RBPMS2: variants seen among roughly 807,000 people sequenced by gnomAD.
RBPMS2 encodes the protein RNA-binding protein with multiple splicing 2.
In RBPMS2, 14 loss-of-function variants were observed where a neutral mutation model predicts 25.7. The observed-to-expected ratio is 0.55, with a 90% CI of 0.36 to 0.85. RBPMS2 has a LOEUF of 0.85. RBPMS2 is among the 40% of genes least tolerant of loss of function. The pLI is 0.01. For missense variants in RBPMS2, 252 were observed against 283.4 expected (o/e 0.89, Z 0.80); for synonymous variants, 127 against 115.6 (o/e 1.10, Z -0.63).
intron 1 of RBPMS2, among the ~76,000 whole-genome samples, chr15:64,765,226 CAAAAAAAAAAA>C (rs34231406): frequency 3.9e-5 from 2 of 50,910 alleles, no homozygotes; most frequent in African/African-American, 9.0e-5. Context: ...GACTCTGTCT[CAAAAAAAAAAA>C]AAAAAAAAAA....
At chr15:64,744,188 C>T (rs192440282) in intron 6 of RBPMS2, among the ~76,000 whole-genome samples, 67 of 151,988 alleles carry the variant, frequency 4.4e-4, no homozygotes, top group African/African-American at 1.2e-3. Context: ...CTCACTTATC[C>T]GAAATTAAAA....
intron 1 of RBPMS2, among the ~76,000 whole-genome samples, chr15:64,757,639 T>C (rs1407404620): frequency 2.0e-5 from 3 of 152,168 alleles, no homozygotes; most frequent in African/African-American, 4.8e-5. Context: ...AGCCAGGATC[T>C]TTCAGCAATG....
intron 3 of RBPMS2, among the ~76,000 whole-genome samples, chr15:64,749,839 C>A (rs2083659054): frequency 6.6e-6 from 1 of 152,152 alleles, no homozygotes. Context: ...TTTTCCCCAG[C>A]AAGAAAGGGG....
At chr15:64,756,517 A>G (rs1241858380) in intron 1 of RBPMS2, among the ~76,000 whole-genome samples, 1 of 125,908 alleles carries the variant, frequency 7.9e-6, no homozygotes, top group Admixed American at 9.5e-5. Context: ...ACCCTGTCTC[A>G]AAAAAAAAAA....
Position 64,775,263 on chromosome 15 carries a change from G to T in RBPMS2, c.57C>A (p.Gly19=). 7.5e-7 allele frequency: 1 copy of T among 1,338,446 alleles called. No individual in the cohort carries two copies. Among genetic ancestry groups the T allele is most frequent in the Non-Finnish European group, 9.6e-7 (1 of 1,038,328 alleles). 82.9% of individuals were successfully genotyped at this position (1,338,446 alleles called of 1,614,324 possible). A position where few individuals can be genotyped will look rare whatever the true frequency, so the allele number is the denominator to read the frequency against. Residue 19 remains glycine (G), a synonymous_variant, in exon 1 of 8, where the codon GGC becomes GGA. Coordinates refer to ENST00000300069, the MANE Select transcript of RBPMS2 (RefSeq NM_194272.3). Reference sequence around the variant, plus strand: ...CCTCCAGGGCGCCGCCGGAGCCCGCGCCGGAGCCGGTGCCGGTGCTGCCGC... The same window carrying T: ...CCTCCAGGGCGCCGCCGGAGCCCGCTCCGGAGCCGGTGCCGGTGCTGCCGC... The part of the protein sequence containing the change: ...EHGGSTGTGS[G]AGSGGALEEE...
chr15:64,755,118 G>T (rs2083721143), intron 1 of RBPMS2, among the ~76,000 whole-genome samples: 1 of 152,144 alleles, frequency 6.6e-6, no homozygotes, highest in Non-Finnish European at 1.5e-5. Context: ...TCTCAGCACA[G>T]AGTTTCCGCT....
At chr15:64,744,921 T>C (rs1429551470) in intron 6 of RBPMS2, among the ~76,000 whole-genome samples, 2 of 144,338 alleles carry the variant, frequency 1.4e-5, no homozygotes, top group Non-Finnish European at 3.0e-5. Flanking sequence ...TTCAAGCGAT[T>C]CTCCTGCCTC....
At chr15:64,762,664 C>G (rs1005408450) in intron 1 of RBPMS2, 1 of 401,450 alleles carries the variant, frequency 2.5e-6, no homozygotes, top group Non-Finnish European at 4.9e-6. Flanking sequence ...AGCCCTGTCA[C>G]CAGCCATAGC....
At chr15:64,774,732 A>AGCCGGCCGGGCG (rs1555431940) in intron 1 of RBPMS2, among the ~76,000 whole-genome samples, 4 of 147,068 alleles carry the variant, frequency 2.7e-5, no homozygotes, top group African/African-American at 9.9e-5. Flanking sequence ...GGAACCGAGG[A>AGCCGGCCGGGCG]GCCGGCCGGC....
At chr15:64,745,302 C>A (rs901353343) in intron 6 of RBPMS2, among the ~76,000 whole-genome samples, 1 of 152,024 alleles carries the variant, frequency 6.6e-6, no homozygotes, top group Non-Finnish European at 1.5e-5. Context: ...TCCATAAATG[C>A]AGATATGCTA....
At chr15:64,770,119 CA>C (rs1177859042) in intron 1 of RBPMS2, among the ~76,000 whole-genome samples, 1 of 151,952 alleles carries the variant, frequency 6.6e-6, no homozygotes, top group Non-Finnish European at 1.5e-5. Context: ...GCAGAGGTTG[CA>C]GTGAGCCAAG....
intron 1 of RBPMS2, among the ~76,000 whole-genome samples, chr15:64,767,105 TCTTTTTTTTTGAGACAGGGGCTC>T (rs2141076574): frequency 6.6e-6 from 1 of 152,046 alleles, no homozygotes; most frequent in African/African-American, 2.4e-5. Flanking sequence ...TTTTTTTCTC[TCTTTTTTTTTGAGACAGGGGCTC>T]TCACTCTATC....
intron 1 of RBPMS2, among the ~76,000 whole-genome samples, chr15:64,770,471 A>G (rs1205127008): frequency 6.6e-6 from 1 of 152,224 alleles, no homozygotes; most frequent in African/African-American, 2.4e-5. Flanking sequence ...GCATAAATAC[A>G]ACATACAGGT....
intron 1 of RBPMS2, among the ~76,000 whole-genome samples, chr15:64,774,902 G>T (rs1044900174): frequency 5.9e-5 from 9 of 151,434 alleles, no homozygotes. Flanking sequence ...GAGCGGCTAC[G>T]GGGTGGGGAG....
chr15:64,759,242 T>C (rs1226428921), intron 1 of RBPMS2, among the ~76,000 whole-genome samples: 1 of 152,194 alleles, frequency 6.6e-6, no homozygotes, highest in Non-Finnish European at 1.5e-5. Context: ...TCAGCCTTGT[T>C]TCTGGAGGCC....
At chr15:64,763,089 G>A (rs1029413915) in intron 1 of RBPMS2, among the ~76,000 whole-genome samples, 6 of 152,090 alleles carry the variant, frequency 3.9e-5, no homozygotes, top group Non-Finnish European at 5.9e-5. Context: ...TTGGGGGATT[G>A]GGTCCTGCCT....
chr15:64,754,136 C>T (rs2083709533), intron 1 of RBPMS2, among the ~76,000 whole-genome samples: 1 of 151,838 alleles, frequency 6.6e-6, no homozygotes, highest in South Asian at 2.1e-4. Flanking sequence ...CGTGGTAAAA[C>T]CCCATCTCTA....
chr15:64,759,983 G>C (rs540773258), intron 1 of RBPMS2, among the ~76,000 whole-genome samples: 14 of 152,210 alleles, frequency 9.2e-5, no homozygotes, highest in African/African-American at 3.1e-4. Context: ...TACTCGGCCT[G>C]TGTCTATCAG....
At chr15:64,761,789 ACCTCCGC>A (rs1400216269) in intron 1 of RBPMS2, among the ~76,000 whole-genome samples, 1 of 125,390 alleles carries the variant, frequency 8.0e-6, no homozygotes, top group Non-Finnish European at 1.6e-5. Context: ...TGCAACCTCC[ACCTCCGC>A]CTCCTGGGTT....
Sources: gnomAD v4.1 joint callset for allele counts (sites outside exome capture counted in the v4.1 genomes callset) on GRCh38, gnomAD v4.1.1 for gene constraint, MANE v1.5 for transcripts, NCBI Gene and HGNC (gene_info 2026-07-23, HGNC 2026-07-21) for gene names.